MYO16: variants seen among roughly 807,000 people sequenced by gnomAD.
The protein encoded by MYO16 is unconventional myosin-XVI.
MYO16 carries 94 observed loss-of-function variants against 205.3 expected under a neutral mutation model. The ratio of observed to expected loss-of-function variants is 0.46; its 90% CI spans 0.39 to 0.54. The LOEUF is 0.54. Among genes scored for constraint, MYO16 ranks in the 20% least tolerant of loss-of-function variants. The probability of loss-of-function intolerance (pLI) is 0.00; values close to 1 mark genes in which losing one functional copy is unlikely to be tolerated. For synonymous variants in MYO16, 988 were observed against 954.0 expected, an observed-to-expected ratio of 1.04 and a Z score of -0.66; for missense variants, 2,315 against 2,387.5, an observed-to-expected ratio of 0.97 and a Z score of 0.63.
chr13:108,516,289 C>T, the MYO16 span, among the ~76,000 whole-genome samples: 263 of 151,806 alleles, frequency 1.7e-3, 1 homozygote, highest in African/African-American at 5.9e-3. Flanking sequence ...AACTTCCTGA[C>T]CCCTTGCGCT....
chr13:109,006,061 C>T (rs1290231286), intron 21 of MYO16, among the ~76,000 whole-genome samples: 1 of 152,044 alleles, frequency 6.6e-6, no homozygotes, highest in Non-Finnish European at 1.5e-5. Context: ...GGAAGCTGTC[C>T]TTATATGGGC....
At chr13:108,796,066 A>G (rs988163510) in intron 6 of MYO16, among the ~76,000 whole-genome samples, 1 of 152,204 alleles carries the variant, frequency 6.6e-6, no homozygotes, top group Non-Finnish European at 1.5e-5. Flanking sequence ...ATATGGCTGA[A>G]GCAGTGTCAG....
intron 2 of MYO16, among the ~76,000 whole-genome samples, chr13:108,701,971 G>A (rs1305136983): frequency 6.6e-6 from 1 of 151,640 alleles, no homozygotes; most frequent in Admixed American, 6.6e-5. Flanking sequence ...AACAAGCAGT[G>A]AATTTAAAGA....
intron 4 of MYO16, among the ~76,000 whole-genome samples, chr13:108,776,554 T>C (rs1886130325): frequency 6.6e-6 from 1 of 152,218 alleles, no homozygotes; most frequent in Non-Finnish European, 1.5e-5. Flanking sequence ...TGGGTGTCTG[T>C]CTGTACATGC....
chr13:108,688,046 T>C (rs755147567), intron 2 of MYO16, among the ~76,000 whole-genome samples: 1 of 152,216 alleles, frequency 6.6e-6, no homozygotes, highest in Non-Finnish European at 1.5e-5. Flanking sequence ...GCATTTGCCA[T>C]GTAGAGTTTA....
chr13:108,497,016 G>A, the MYO16 span, among the ~76,000 whole-genome samples: 17 of 152,190 alleles, frequency 1.1e-4, no homozygotes, highest in African/African-American at 3.4e-4. Context: ...GAAGGTTAAA[G>A]CATTTACAAC....
At chr13:109,199,195 T>TAC (rs1880294686) in intron 34 of MYO16, among the ~76,000 whole-genome samples, 1 of 3,196 alleles carries the variant, frequency 3.1e-4, no homozygotes, top group Non-Finnish European at 1.3e-3. Context: ...AAAAAAGGTA[T>TAC]ATATATATAT....
chr13:108,887,761 T>A (rs1247567717), intron 13 of MYO16, among the ~76,000 whole-genome samples: 1 of 152,234 alleles, frequency 6.6e-6, no homozygotes, highest in Non-Finnish European at 1.5e-5. Context: ...GATCCACATC[T>A]GAAGACCTTA....
chr13:108,659,028 C>T (rs765294439), intron 1 of MYO16, among the ~76,000 whole-genome samples: 6 of 150,986 alleles, frequency 4.0e-5, no homozygotes, highest in East Asian at 1.9e-4. Context: ...GGGGCATTTC[C>T]GGTAGTTGTA....
intron 9 of MYO16, among the ~76,000 whole-genome samples, chr13:108,836,066 A>G (rs983610144): frequency 4.6e-5 from 7 of 152,130 alleles, no homozygotes; most frequent in Non-Finnish European, 7.4e-5. Flanking sequence ...AGCCCCTCTC[A>G]TCACAGGCCA....
intron 21 of MYO16, among the ~76,000 whole-genome samples, chr13:109,007,179 G>A (rs1326205657): frequency 6.6e-6 from 1 of 152,150 alleles, no homozygotes; most frequent in East Asian, 1.9e-4. Context: ...ACGAGGTCAG[G>A]AGATCTAGAC....
At chr13:109,052,963 G>T in intron 25 of MYO16, among the ~76,000 whole-genome samples, 1 of 152,176 alleles carries the variant, frequency 6.6e-6, no homozygotes, top group Non-Finnish European at 1.5e-5. Flanking sequence ...ATACTAATTT[G>T]TAATGTATAT....
At chr13:108,703,549 C>CATA (rs754615840) in intron 2 of MYO16, among the ~76,000 whole-genome samples, 4 of 152,090 alleles carry the variant, frequency 2.6e-5, no homozygotes, top group Non-Finnish European at 5.9e-5. Context: ...CTTGAACAAC[C>CATA]ATATACAGCA....
At position 108,823,175 on chromosome 13, in the gene MYO16, GC is replaced by G; in HGVS notation, c.996del (p.Trp333GlyfsTer5). The G allele has an allele frequency of 6.2e-7, 1 of 1,612,750 alleles. No individual in the cohort carries two copies. Among genetic ancestry groups the G allele is most frequent in the Non-Finnish European group, 8.5e-7 (1 of 1,179,478 alleles). On this transcript the variant is annotated frameshift_variant, in exon 9 of 35. Coordinates refer to ENST00000457511, the MANE Select transcript of MYO16 (RefSeq NM_001198950.3). LOFTEE classifies it high-confidence loss of function. The part of the protein sequence containing the change: ...IEEMLLKAEI[A>X]WEEKMKEPLS... The stretch of plus-strand genomic sequence containing the variant: ...GGAAATGCTGCTGAAAGCCGAAATT[GC>G]CTGGGAAGAAAAAATGAAAGAGCCT...
At chr13:108,825,397 G>T (rs1246336726) in intron 9 of MYO16, among the ~76,000 whole-genome samples, 1 of 151,686 alleles carries the variant, frequency 6.6e-6, no homozygotes, top group Admixed American at 6.6e-5. Context: ...TTCTCAACCT[G>T]ATAAGGGGCA....
chr13:109,195,962 TATAA>T (rs1462092161), intron 34 of MYO16, among the ~76,000 whole-genome samples: 2 of 152,200 alleles, frequency 1.3e-5, no homozygotes, highest in African/African-American at 2.4e-5. Context: ...TTAGTAAATA[TATAA>T]ATAATCAATA....
At chr13:109,123,661 T>A (rs959763867) in intron 29 of MYO16, among the ~76,000 whole-genome samples, 7 of 152,158 alleles carry the variant, frequency 4.6e-5, no homozygotes, top group African/African-American at 1.2e-4. Flanking sequence ...GCAACTGCAT[T>A]CCAACATAAC....
At position 109,177,594 on chromosome 13, in the gene MYO16, C is replaced by T. The variant is rs142707318; in HGVS notation, c.5324-1948C>T. ...GGTGCAATGGAGCAACCTTGGCTCA[C>T]TGCAACTCTCCCTCCCAGGTTCAAG... is the stretch of plus-strand genomic sequence containing the variant. On this transcript the variant is annotated intron_variant, in intron 33 of 34. Coordinates refer to ENST00000457511, the MANE Select transcript of MYO16 (RefSeq NM_001198950.3). 1.6e-4 allele frequency among the ~76,000 whole-genome samples: 24 copies of T among 152,262 alleles called. 2 individuals carry two copies. In the East Asian group the frequency reaches 4.6e-3, roughly 29 times the overall value.
chr13:108,661,792 G>A (rs1881514251), intron 1 of MYO16, among the ~76,000 whole-genome samples: 2 of 152,074 alleles, frequency 1.3e-5, no homozygotes, highest in Admixed American at 1.3e-4. Flanking sequence ...AGGTAAATCA[G>A]AGACTTCATC....
Sources: gnomAD v4.1 joint callset for allele counts (sites outside exome capture counted in the v4.1 genomes callset) on GRCh38, gnomAD v4.1.1 for gene constraint, MANE v1.5 for transcripts, NCBI Gene and HGNC (gene_info 2026-07-23, HGNC 2026-07-21) for gene names.